The following STK33 variants were observed in gnomAD, a reference collection of about 807,000 sequenced individuals.
STK33 encodes serine/threonine kinase 33.
Under a neutral mutation model 58.0 loss-of-function variants are expected in STK33, and 52 were observed. The observed-to-expected ratio is 0.90, with a 90% CI of 0.72 to 1.13. STK33 has a LOEUF of 1.13. Among genes scored for constraint, STK33 ranks in the 50% most tolerant of loss-of-function variants. The pLI is 0.00. For missense variants in STK33, 630 were observed against 604.2 expected (o/e 1.04, Z -0.45); for synonymous variants, 215 against 200.1 (o/e 1.07, Z -0.63).
intron 1 of STK33, among the ~76,000 whole-genome samples, chr11:8,481,743 G>T (rs761047047): frequency 5.3e-5 from 8 of 152,032 alleles, no homozygotes; most frequent in Non-Finnish European, 1.0e-4. Context: ...TGCTATAACT[G>T]CACCCCCATC....
intron 1 of STK33, among the ~76,000 whole-genome samples, chr11:8,501,373 A>G (rs1951502953): frequency 6.6e-6 from 1 of 152,198 alleles, no homozygotes; most frequent in South Asian, 2.1e-4. Flanking sequence ...TAAAATGGGC[A>G]AAGAATTTGA....
At chr11:8,451,415 C>G (rs1946260638) in intron 11 of STK33, among the ~76,000 whole-genome samples, 1 of 152,066 alleles carries the variant, frequency 6.6e-6, no homozygotes, top group African/African-American at 2.4e-5. Context: ...GAAGAGCAGA[C>G]TACAGATACA....
chr11:8,544,360 T>C (rs1006437190), intron 1 of STK33, among the ~76,000 whole-genome samples: 9 of 148,020 alleles, frequency 6.1e-5, no homozygotes, highest in African/African-American at 2.2e-4. Flanking sequence ...ATTATATATA[T>C]GTAATACATG....
At chr11:8,461,676 A>C in intron 8 of STK33, 129 bp downstream of exon 8, 1 of 545,862 alleles carries the variant, frequency 1.8e-6, no homozygotes, top group Non-Finnish European at 3.1e-6. Flanking sequence ...TGTTCTCATC[A>C]ATCTCCAGTG....
chr11:8,373,966 T>TG, the STK33 span, among the ~76,000 whole-genome samples: 1 of 152,240 alleles, frequency 6.6e-6, no homozygotes, highest in Admixed American at 6.5e-5. Context: ...ATGCAATTCC[T>TG]GGTCTTCCCT....
chr11:8,365,077 C>T, the STK33 span, among the ~76,000 whole-genome samples: 1 of 89,352 alleles, frequency 1.1e-5, no homozygotes, highest in Non-Finnish European at 2.9e-5. Context: ...GTCCCTTCTC[C>T]TCCTCCCAAC....
intron 1 of STK33, among the ~76,000 whole-genome samples, chr11:8,550,051 C>A (rs568195623): frequency 2.0e-5 from 3 of 152,308 alleles, no homozygotes; most frequent in African/African-American, 7.2e-5. Flanking sequence ...AAATCTCACT[C>A]TGAACAAATC....
chr11:8,352,492 G>A, the STK33 span, among the ~76,000 whole-genome samples: 1 of 152,160 alleles, frequency 6.6e-6, no homozygotes, highest in African/African-American at 2.4e-5. Context: ...GAGACCAGGT[G>A]CTCCAGGGTG....
At chr11:8,446,475 G>T (rs1234063979) in intron 11 of STK33, among the ~76,000 whole-genome samples, 5 of 151,748 alleles carry the variant, frequency 3.3e-5, no homozygotes, top group African/African-American at 9.7e-5. Context: ...TTAGGGTGTC[G>T]ATTTTAGATC....
At chr11:8,494,020 C>T (rs1295229156) in intron 1 of STK33, among the ~76,000 whole-genome samples, 1 of 152,148 alleles carries the variant, frequency 6.6e-6, no homozygotes, top group Non-Finnish European at 1.5e-5. Flanking sequence ...TGGAAGCATT[C>T]CCTTTGAAAA....
At chr11:8,359,017 A>G in the STK33 span, among the ~76,000 whole-genome samples, 1 of 152,194 alleles carries the variant, frequency 6.6e-6, no homozygotes, top group Non-Finnish European at 1.5e-5. Flanking sequence ...CAACACGCAC[A>G]GCCTGCGTTG....
intron 1 of STK33, among the ~76,000 whole-genome samples, chr11:8,486,741 G>A (rs1591428176): frequency 6.6e-6 from 1 of 152,192 alleles, no homozygotes; most frequent in Non-Finnish European, 1.5e-5. Flanking sequence ...GGCAGGACAA[G>A]GCAGGAGATG....
intron 1 of STK33, among the ~76,000 whole-genome samples, chr11:8,578,712 T>C (rs1246571950): frequency 6.6e-6 from 1 of 151,974 alleles, no homozygotes; most frequent in Non-Finnish European, 1.5e-5. Flanking sequence ...TATTTTACTA[T>C]ATACTCTTCT....
At chr11:8,553,167 A>AATATATATAT (rs56363010) in intron 1 of STK33, among the ~76,000 whole-genome samples, 3 of 68,190 alleles carry the variant, frequency 4.4e-5, no homozygotes, top group African/African-American at 8.9e-5. Context: ...CCAAAAATAA[A>AATATATATAT]ATATATATAT....
chr11:8,516,811 G>C (rs1457056963), intron 1 of STK33, among the ~76,000 whole-genome samples: 1 of 152,194 alleles, frequency 6.6e-6, no homozygotes, highest in Non-Finnish European at 1.5e-5. Flanking sequence ...GCTGAGGCTT[G>C]AGTAGGTAAA....
At chr11:8,568,393 G>A (rs905841458) in intron 1 of STK33, among the ~76,000 whole-genome samples, 15 of 152,080 alleles carry the variant, frequency 9.9e-5, no homozygotes, top group African/African-American at 1.4e-4. Context: ...ATCATAAATC[G>A]TGGATAATGA....
chr11:8,567,511 A>G (rs1957531431), intron 1 of STK33, among the ~76,000 whole-genome samples: 1 of 152,232 alleles, frequency 6.6e-6, no homozygotes, highest in South Asian at 2.1e-4. Context: ...ACAGGAACAC[A>G]TTTCTTTAGG....
In STK33 at chr11:8,480,041, T is replaced by C. The variant is rs551989702; in HGVS notation, c.-261+369A>G. On this transcript the variant is annotated intron_variant, in intron 2 of 15. Transcript: ENST00000687296. ...AGTCGTCAAAGAAATGAGGGGATCA[T>C]ATGGAGAAGAGATATCTCAAAGGGA... 2.6e-5 allele frequency among the ~76,000 whole-genome samples: 4 copies of C among 152,274 alleles called. No homozygotes were observed. The East Asian group carries it at 5.8e-4, about 22-fold the overall frequency.
At chr11:8,462,641 G>C (rs1160509935) in intron 7 of STK33, among the ~76,000 whole-genome samples, 1 of 151,954 alleles carries the variant, frequency 6.6e-6, no homozygotes, top group Non-Finnish European at 1.5e-5. Context: ...GAGAGAGAGA[G>C]AGATCTTGCC....
Sources: gnomAD v4.1 joint callset for allele counts (sites outside exome capture counted in the v4.1 genomes callset) on GRCh38, gnomAD v4.1.1 for gene constraint, MANE v1.5 for transcripts, NCBI Gene and HGNC (gene_info 2026-07-23, HGNC 2026-07-21) for gene names.